Variants in PTPN21 observed in about 807,000 individuals in gnomAD.
PTPN21 encodes the protein tyrosine-protein phosphatase non-receptor type 21.
PTPN21 carries 77 observed loss-of-function variants against 131.8 expected under a neutral mutation model. The observed-to-expected ratio is 0.58, with a 90% CI of 0.49 to 0.71. PTPN21 has a LOEUF of 0.71. PTPN21 is among the 30% of genes least tolerant of loss of function. PTPN21 has a pLI of 0.00. For missense variants in PTPN21, 1,552 were observed against 1,527.1 expected (o/e 1.02, Z -0.27); for synonymous variants, 715 against 621.3 (o/e 1.15, Z -2.24).
At chr14:88,553,790 C>G (rs1418020152) in intron 1 of PTPN21, among the ~76,000 whole-genome samples, 1 of 152,076 alleles carries the variant, frequency 6.6e-6, no homozygotes, top group Non-Finnish European at 1.5e-5. Flanking sequence ...CTCAATCTTA[C>G]AGCGTTTCCC....
chr14:88,554,369 A>G (rs2078898760), intron 1 of PTPN21, among the ~76,000 whole-genome samples: 1 of 152,242 alleles, frequency 6.6e-6, no homozygotes, highest in South Asian at 2.1e-4. Context: ...AAATATGCCT[A>G]ACACATTTAA....
chr14:88,541,727 A>G (rs2078709361), intron 2 of PTPN21, among the ~76,000 whole-genome samples: 1 of 152,184 alleles, frequency 6.6e-6, no homozygotes, highest in Non-Finnish European at 1.5e-5. Context: ...AAAGAAAAAA[A>G]GGGCATCTGT....
In PTPN21 at chr14:88,469,370, C is replaced by G. The variant is rs2077418133; in HGVS notation, c.3235+129G>C. The G allele has an allele frequency of 5.6e-6, 5 of 890,642 alleles. No individual in the cohort carries two copies. The South Asian group carries it at 6.9e-5, about 12-fold the overall frequency. The allele number at this position is 890,642 out of a possible 1,614,324, so 55.2% of individuals were successfully genotyped here. ...TAACCCTCCCCAAAACACTTGTATT[C>G]TTTATGTTAAAACAAGTCCGAAGCT... is the stretch of plus-strand genomic sequence containing the variant. On this transcript the variant is annotated intron_variant, in intron 17 of 18. Coordinates refer to ENST00000556564, the MANE Select transcript of PTPN21 (RefSeq NM_007039.4). The surrounding 1 kb of genome is among the most constrained non-coding windows in gnomAD (Gnocchi z 4.3).
At chr14:88,532,016 A>G (rs1468831869) in intron 2 of PTPN21, among the ~76,000 whole-genome samples, 1 of 152,168 alleles carries the variant, frequency 6.6e-6, no homozygotes, top group African/African-American at 2.4e-5. Context: ...AGATGGATAA[A>G]ATCCTGGAAA....
chr14:88,495,729 G>A (rs908882005), intron 10 of PTPN21, among the ~76,000 whole-genome samples: 3 of 152,184 alleles, frequency 2.0e-5, no homozygotes, highest in East Asian at 3.8e-4. Flanking sequence ...CCTGGCAGCC[G>A]AAGAAGAGCA....
chr14:88,551,933 A>T (rs2078875474), intron 1 of PTPN21: 1 of 152,186 alleles, frequency 6.6e-6, no homozygotes, highest in Non-Finnish European at 1.5e-5. Flanking sequence ...TTCCCCCTAA[A>T]CGAGTCTACA....
At chr14:88,525,703 A>C (rs926706771) in intron 2 of PTPN21, among the ~76,000 whole-genome samples, 4 of 152,218 alleles carry the variant, frequency 2.6e-5, no homozygotes, top group African/African-American at 9.6e-5. Flanking sequence ...TTCTAGGTAC[A>C]TACCCAAAAG....
At chr14:88,517,548 T>A (rs1178325718) in intron 2 of PTPN21, among the ~76,000 whole-genome samples, 1 of 151,732 alleles carries the variant, frequency 6.6e-6, no homozygotes, top group Non-Finnish European at 1.5e-5. Context: ...TGGAATGTAG[T>A]GGCGGCTACT....
chr14:88,493,622 G>A (rs932278877), intron 10 of PTPN21, among the ~76,000 whole-genome samples: 2 of 152,240 alleles, frequency 1.3e-5, no homozygotes, highest in African/African-American at 4.8e-5. Context: ...TATCTATCCA[G>A]AAGACTGACT....
intron 10 of PTPN21, among the ~76,000 whole-genome samples, chr14:88,493,479 T>G (rs1307994634): frequency 2.0e-5 from 3 of 152,230 alleles, no homozygotes; most frequent in Admixed American, 2.0e-4. Context: ...CCAACTGGGC[T>G]GGGGCAGCTA....
chr14:88,489,052 C>G lies in PTPN21; in HGVS notation c.933-3210G>C, dbSNP rs556724186. 2.6e-5 allele frequency among the ~76,000 whole-genome samples: 4 copies of G among 152,180 alleles called. No individual in the cohort carries two copies. In the East Asian group the frequency reaches 5.8e-4, roughly 22 times the overall value. The stretch of plus-strand genomic sequence containing the variant: ...CAAGTAGTAGAACCGGCATTTGAAC[C>G]AGCAGGTCTGTCAGATTCCTGAGTG... On this transcript the variant is annotated intron_variant, in intron 10 of 18. Transcript: ENST00000556564.
In PTPN21 at chr14:88,480,242, C is replaced by T. The variant is rs1290187403; in HGVS notation, c.1189G>A (p.Ala397Thr). 15 of 1,614,026 alleles carry T rather than the reference C, an allele frequency of 9.3e-6. No homozygotes were observed. The highest frequency in any genetic ancestry group is 1.3e-5 in the Non-Finnish European group (15 of 1,179,882). ...TTATTTAAGGAGTTGGTGCTGTGTG[C>T]ACTGTAGACACTGCCATTACGGATC... The part of the protein sequence containing the change: ...GRIRNGSVYS[A>T]HSTNSLNNPQ... The change falls in exon 13 of 19, where the codon GCA becomes ACA. Residue 397 changes from alanine to threonine, a missense_variant. Physicochemically the swap from Ala to Thr is moderately conservative, Grantham distance 58. Around this residue, in one of 4 missense-constraint regions of PTPN21, gnomAD observed 1,016 missense variants for 883.5 expected, o/e 1.15. Coordinates refer to ENST00000556564, the MANE Select transcript of PTPN21 (RefSeq NM_007039.4).
intron 2 of PTPN21, among the ~76,000 whole-genome samples, chr14:88,526,289 T>G (rs970993318): frequency 6.6e-6 from 1 of 152,024 alleles, no homozygotes; most frequent in South Asian, 2.1e-4. Flanking sequence ...GTGGCTCACA[T>G]CTATAATCCC....
chr14:88,532,358 GTTCA>G (rs1214998472), intron 2 of PTPN21, among the ~76,000 whole-genome samples: 9 of 152,050 alleles, frequency 5.9e-5, no homozygotes, highest in Admixed American at 5.9e-4. Flanking sequence ...AACAAATTCA[GTTCA>G]TTAAGTCTAA....
intron 2 of PTPN21, among the ~76,000 whole-genome samples, chr14:88,549,779 T>C (rs1044090199): frequency 1.9e-4 from 28 of 150,982 alleles, no homozygotes; most frequent in African/African-American, 6.8e-4. Flanking sequence ...TTTTTTTTTT[T>C]TGAGCAGGTG....
At chr14:88,509,994 C>T (rs558453806) in intron 3 of PTPN21, among the ~76,000 whole-genome samples, 1 of 152,080 alleles carries the variant, frequency 6.6e-6, no homozygotes, top group South Asian at 2.1e-4. Flanking sequence ...TAAGATGGTG[C>T]CATTGCACTC....
At chr14:88,502,273 T>C (rs2140132671) in intron 6 of PTPN21, among the ~76,000 whole-genome samples, 1 of 152,244 alleles carries the variant, frequency 6.6e-6, no homozygotes, top group Middle Eastern at 3.4e-3. Context: ...CCCTAGCCCC[T>C]CTGGGCTTTT....
intron 10 of PTPN21, among the ~76,000 whole-genome samples, chr14:88,490,133 C>T (rs561609830): frequency 4.3e-4 from 66 of 152,082 alleles, no homozygotes; most frequent in African/African-American, 1.4e-3. Flanking sequence ...CTCAGCCTTC[C>T]GAGCAGCTGG....
intron 10 of PTPN21, among the ~76,000 whole-genome samples, chr14:88,486,748 G>A (rs1031903054): frequency 1.3e-5 from 2 of 151,972 alleles, no homozygotes; most frequent in African/African-American, 2.4e-5. Context: ...AGGCCAAGGC[G>A]GGTGGATCAC....
Sources: allele counts gnomAD v4.1 joint callset (sites outside exome capture counted in the v4.1 genomes callset), GRCh38; gene constraint gnomAD v4.1.1; regional missense constraint gnomAD v4.1.1; non-coding constraint Gnocchi (gnomAD v3.1); transcripts MANE v1.5; gene names NCBI Gene and HGNC (gene_info 2026-07-23, HGNC 2026-07-21).